The following MACROD2 variants were observed in gnomAD, a reference collection of about 807,000 sequenced individuals.
MACROD2 encodes mono-ADP ribosylhydrolase 2, also known as ADP-ribose glycohydrolase MACROD2.
In MACROD2, 36 loss-of-function variants were observed where a neutral mutation model predicts 70.4. The ratio of observed to expected loss-of-function variants is 0.51; its 90% CI spans 0.39 to 0.68. MACROD2 has a LOEUF of 0.68. MACROD2 is among the 30% of genes least tolerant of loss of function. MACROD2 has a pLI of 0.00. For synonymous variants in MACROD2, 172 were observed against 178.8 expected (o/e 0.96, Z 0.30); for missense variants, 496 against 538.4 (o/e 0.92, Z 0.78).
intron 8 of MACROD2, among the ~76,000 whole-genome samples, chr20:15,591,586 T>TAAAAA (rs11471295): frequency 2.0e-4 from 13 of 65,140 alleles, no homozygotes; most frequent in Admixed American, 4.3e-4. Context: ...AAGCCAGTAC[T>TAAAAA]AAAAAAAAAA....
intron 4 of MACROD2, among the ~76,000 whole-genome samples, chr20:14,646,498 G>A (rs1985398438): frequency 6.6e-6 from 1 of 151,962 alleles, no homozygotes; most frequent in African/African-American, 2.4e-5. Context: ...TCCAACTATA[G>A]CAAGATAATT....
At chr20:15,585,219 A>G (rs528261344) in intron 8 of MACROD2, among the ~76,000 whole-genome samples, 3 of 133,042 alleles carry the variant, frequency 2.3e-5, no homozygotes, top group South Asian at 4.7e-4. Flanking sequence ...TTTTTTTTAG[A>G]TGGAGTCTCG....
At chr20:14,324,496 C>T (rs753521569) in intron 3 of MACROD2, 6 of 152,454 alleles carry the variant, frequency 3.9e-5, no homozygotes, top group Non-Finnish European at 8.8e-5. Context: ...TTGACATAAA[C>T]CAGATCTAAA....
At chr20:15,790,710 G>A (rs978274348) in intron 8 of MACROD2, among the ~76,000 whole-genome samples, 1 of 151,754 alleles carries the variant, frequency 6.6e-6, no homozygotes, top group Non-Finnish European at 1.5e-5. Flanking sequence ...AAACCATGGG[G>A]CATTAAATCT....
chr20:14,183,669 TC>T (rs1569195772), intron 3 of MACROD2, among the ~76,000 whole-genome samples: 1 of 152,162 alleles, frequency 6.6e-6, no homozygotes, highest in African/African-American at 2.4e-5. Context: ...GTATAAGCAT[TC>T]CTTTTTCTCT....
chr20:15,177,875 A>G (rs895028057), intron 5 of MACROD2, among the ~76,000 whole-genome samples: 4 of 152,130 alleles, frequency 2.6e-5, no homozygotes, highest in East Asian at 1.9e-4. Flanking sequence ...TAAAGCTGCA[A>G]TTGGGTCGTG....
chr20:15,201,732 C>T (rs2145929336), intron 5 of MACROD2, among the ~76,000 whole-genome samples: 1 of 152,324 alleles, frequency 6.6e-6, no homozygotes, highest in African/African-American at 2.4e-5. Flanking sequence ...GTCCTCCCTC[C>T]ACTCTGAAAG....
At chr20:14,230,684 T>A (rs1249050269) in intron 3 of MACROD2, among the ~76,000 whole-genome samples, 2 of 116,930 alleles carry the variant, frequency 1.7e-5, no homozygotes, top group African/African-American at 7.5e-5. Flanking sequence ...TATATATATA[T>A]ATATATATAT....
chr20:14,926,038 T>C (rs1331795958), intron 5 of MACROD2, among the ~76,000 whole-genome samples: 1 of 152,184 alleles, frequency 6.6e-6, no homozygotes, highest in Admixed American at 6.5e-5. Context: ...CACATGGTCA[T>C]TGAGAAAATG....
At chr20:14,681,358 G>A (rs1267111658) in intron 4 of MACROD2, among the ~76,000 whole-genome samples, 1 of 152,170 alleles carries the variant, frequency 6.6e-6, no homozygotes, top group Non-Finnish European at 1.5e-5. Flanking sequence ...ACAGTCTAAT[G>A]TCTATTCACA....
chr20:15,260,600 C>T (rs919868331), intron 6 of MACROD2, among the ~76,000 whole-genome samples: 1 of 151,894 alleles, frequency 6.6e-6, no homozygotes, highest in Non-Finnish European at 1.5e-5. Context: ...CTCTGATACA[C>T]TGGTATCCTT....
chr20:15,894,139 T>C (rs1434762857), intron 10 of MACROD2: 5 of 361,568 alleles, frequency 1.4e-5, no homozygotes, highest in African/African-American at 8.6e-5. Flanking sequence ...TAGCAGCAGG[T>C]CTCACTTGAA....
chr20:15,559,364 T>C (rs1279556206), intron 8 of MACROD2, among the ~76,000 whole-genome samples: 2 of 152,144 alleles, frequency 1.3e-5, no homozygotes, highest in African/African-American at 4.8e-5. Flanking sequence ...AATCAATCTC[T>C]GGAGTAGGAT....
At chr20:14,033,309 G>T (rs2053268247) in intron 2 of MACROD2, among the ~76,000 whole-genome samples, 1 of 151,744 alleles carries the variant, frequency 6.6e-6, no homozygotes, top group Non-Finnish European at 1.5e-5. Flanking sequence ...ATTAACTCTT[G>T]TGTCAGTATG....
intron 15 of MACROD2, 58 bp from the exon 16 acceptor site, chr20:16,041,143 G>T: frequency 4.3e-6 from 6 of 1,402,318 alleles, no homozygotes; most frequent in African/African-American, 1.4e-5. Context: ...GAAATGATTG[G>T]CCCTCAGGCT....
intron 15 of MACROD2, among the ~76,000 whole-genome samples, chr20:16,008,007 C>A (rs76004953): frequency 0.011 from 1,656 of 152,312 alleles, 26 homozygotes; most frequent in African/African-American, 0.037. Context: ...GATGCTGTGG[C>A]CTCTGTCAAG....
chr20:15,243,524 TACAC>T (rs921508841), intron 6 of MACROD2, among the ~76,000 whole-genome samples: 3 of 151,566 alleles, frequency 2.0e-5, no homozygotes, highest in Admixed American at 6.6e-5. Flanking sequence ...CACACACACA[TACAC>T]ACACACACAG....
chr20:14,325,619 T>C, intron 3 of MACROD2: 2 of 1,613,692 alleles, frequency 1.2e-6, no homozygotes, highest in Non-Finnish European at 1.7e-6. Context: ...TTACTACTGC[T>C]TTCACTGTGA....
At chr20:15,889,673 AT>A (rs1475764845) in intron 10 of MACROD2, among the ~76,000 whole-genome samples, 2 of 152,124 alleles carry the variant, frequency 1.3e-5, no homozygotes, top group Non-Finnish European at 2.9e-5. Context: ...TTAATGGCAA[AT>A]GTTTTCCCAT....
Sources: gnomAD v4.1 joint callset for allele counts (sites outside exome capture counted in the v4.1 genomes callset) on GRCh38, gnomAD v4.1.1 for gene constraint, MANE v1.5 for transcripts, NCBI Gene and HGNC (gene_info 2026-07-23, HGNC 2026-07-21) for gene names.